Variants in NEURL1 observed in about 807,000 individuals in gnomAD.
NEURL1 encodes neuralized E3 ubiquitin protein ligase 1.
A neutral mutation model predicts 41.2 loss-of-function variants in NEURL1; 26 were observed. The ratio of observed to expected loss-of-function variants is 0.63; its 90% CI spans 0.46 to 0.87. The LOEUF is 0.87. NEURL1 is among the 40% of genes least tolerant of loss of function. NEURL1 has a pLI of 0.00. For synonymous variants in NEURL1, 400 were observed against 402.3 expected (o/e 0.99, Z 0.07); for missense variants, 761 against 871.1 (o/e 0.87, Z 1.59).
chr10:103,551,803 T>A (rs1159204816), intron 1 of NEURL1, among the ~76,000 whole-genome samples: 1 of 152,170 alleles, frequency 6.6e-6, no homozygotes, highest in Non-Finnish European at 1.5e-5. Flanking sequence ...GGCTCATACG[T>A]CTGTGGGAAA....
At chr10:103,533,759 A>C (rs776764200) in intron 1 of NEURL1, among the ~76,000 whole-genome samples, 10 of 152,090 alleles carry the variant, frequency 6.6e-5, no homozygotes, top group Non-Finnish European at 1.3e-4. Flanking sequence ...GATGGTCTCG[A>C]TCTGCTGACC....
At chr10:103,543,499 CCCT>C (rs2034863455) in intron 1 of NEURL1, among the ~76,000 whole-genome samples, 3 of 152,220 alleles carry the variant, frequency 2.0e-5, no homozygotes, top group Admixed American at 6.5e-5. Context: ...CATCTTCCCT[CCCT>C]CCTCCTCCTC....
chr10:103,558,968 G>A lies in NEURL1; in HGVS notation c.86-11904G>A, dbSNP rs1001052109. Among the ~76,000 whole-genome samples, 10 of 152,096 alleles carry A rather than the reference G, an allele frequency of 6.6e-5. No homozygotes were observed. The highest frequency in any genetic ancestry group is 1.3e-4 in the Non-Finnish European group (9 of 68,018). On this transcript the variant is annotated intron_variant, in intron 1 of 5. Transcript: ENST00000369780. This position sits in a 1 kb window ranked among gnomAD's most constrained non-coding sequence, Gnocchi z 4.2. ...AGCCTGAGTGTCAGAGGATGCTGGC[G>A]TACAGGGACCCGAGACATTGGCTCC... is the stretch of plus-strand genomic sequence containing the variant.
At chr10:103,515,863 G>C (rs2034192812) in intron 1 of NEURL1, among the ~76,000 whole-genome samples, 2 of 152,170 alleles carry the variant, frequency 1.3e-5, no homozygotes, top group Admixed American at 6.5e-5. Context: ...AGTTGTCTAG[G>C]GGAGGGATGC....
At chr10:103,510,878 A>AC (rs986644001) in intron 1 of NEURL1, among the ~76,000 whole-genome samples, 1 of 150,792 alleles carries the variant, frequency 6.6e-6, no homozygotes, top group Non-Finnish European at 1.5e-5. Context: ...GTTGCTCAAG[A>AC]CCCCCCTAGA....
chr10:103,494,478 C>A lies in NEURL1; in HGVS notation c.85+6C>A. 1 of 1,557,478 alleles carries A rather than the reference C, an allele frequency of 6.4e-7. No individual in the cohort carries two copies. The highest frequency in any genetic ancestry group is 1.9e-5 in the Admixed American group (1 of 53,068). ...CCACCCCCAGAACCTCAAAGGTAGG[C>A]TCCCCGGCCGAGCGCTGCTGGAGGA... On this transcript the variant is annotated splice_donor_region_variant and intron_variant, in intron 1 of 5. Coordinates refer to ENST00000369780, the MANE Select transcript of NEURL1 (RefSeq NM_004210.5).
chr10:103,588,166 C>A (rs1380882990), intron 4 of NEURL1, among the ~76,000 whole-genome samples: 4 of 151,912 alleles, frequency 2.6e-5, no homozygotes, highest in Non-Finnish European at 4.4e-5. Context: ...ATTAGCTGGG[C>A]CTGGTGGCAG....
intron 1 of NEURL1, among the ~76,000 whole-genome samples, chr10:103,533,822 C>T: frequency 6.6e-6 from 1 of 152,230 alleles, no homozygotes; most frequent in East Asian, 1.9e-4. Flanking sequence ...AGGCTTGAGC[C>T]ACCGCTCCCG....
chr10:103,569,990 T>G (rs1467034257), intron 1 of NEURL1, among the ~76,000 whole-genome samples: 1 of 152,172 alleles, frequency 6.6e-6, no homozygotes. Context: ...GTCTTCCATC[T>G]CCTTCCTGGA....
Position 103,590,682 on chromosome 10 carries a change from T to G in NEURL1, c.*310T>G. On this transcript the variant is annotated 3_prime_UTR_variant, in exon 6 of 6. Coordinates refer to ENST00000369780, the MANE Select transcript of NEURL1 (RefSeq NM_004210.5). ...TTGGGATCTCAGCCTGCCCTAATCT[T>G]TCCCCATCTGAGGCAGGTTTCTAGG... 2.0e-5 allele frequency: 8 copies of G among 398,238 alleles called. No individual in the cohort carries two copies. Among genetic ancestry groups the G allele is most frequent in the East Asian group, 5.1e-5 (1 of 19,462 alleles). 24.7% of individuals were successfully genotyped at this position (398,238 alleles called of 1,614,324 possible). A position where few individuals can be genotyped will look rare whatever the true frequency, so the allele number is the denominator to read the frequency against.
At chr10:103,513,097 C>T (rs544454067) in intron 1 of NEURL1, among the ~76,000 whole-genome samples, 129 of 152,238 alleles carry the variant, frequency 8.5e-4, no homozygotes, top group African/African-American at 2.9e-3. Context: ...CACCATCACC[C>T]GGTGCCCACC....
At chr10:103,570,576 G>T (rs1266466107) in intron 1 of NEURL1, among the ~76,000 whole-genome samples, 12 of 150,726 alleles carry the variant, frequency 8.0e-5, no homozygotes, top group Admixed American at 7.9e-4. Context: ...GAGAGGCAGA[G>T]GGTGGTAAAT....
At chr10:103,564,530 C>G (rs2035376646) in intron 1 of NEURL1, among the ~76,000 whole-genome samples, 1 of 152,202 alleles carries the variant, frequency 6.6e-6, no homozygotes, top group African/African-American at 2.4e-5. Flanking sequence ...TGCCTGCTGT[C>G]TTGGACTCGT....
At chr10:103,518,868 T>C (rs2034277783) in intron 1 of NEURL1, among the ~76,000 whole-genome samples, 1 of 152,162 alleles carries the variant, frequency 6.6e-6, no homozygotes, top group South Asian at 2.1e-4. Flanking sequence ...TTGAGTAGTG[T>C]TGGGGAACGG....
intron 1 of NEURL1, among the ~76,000 whole-genome samples, chr10:103,513,253 A>G (rs1198230044): frequency 6.6e-6 from 1 of 152,002 alleles, no homozygotes; most frequent in African/African-American, 2.4e-5. Flanking sequence ...GCACATTTTC[A>G]TTTTTAGTGC....
At chr10:103,496,239 A>T (rs923174151) in intron 1 of NEURL1, among the ~76,000 whole-genome samples, 1 of 152,220 alleles carries the variant, frequency 6.6e-6, no homozygotes, top group African/African-American at 2.4e-5. Flanking sequence ...AGTGTTATTT[A>T]TACTAGGTGG....
At chr10:103,573,021 A>G (rs569767606) in intron 3 of NEURL1, among the ~76,000 whole-genome samples, 17 of 151,458 alleles carry the variant, frequency 1.1e-4, no homozygotes, top group Non-Finnish European at 2.4e-4. Context: ...CTGACTTCAG[A>G]GCCTAGAAAC....
At chr10:103,498,004 G>T (rs550425779) in intron 1 of NEURL1, among the ~76,000 whole-genome samples, 1 of 152,244 alleles carries the variant, frequency 6.6e-6, no homozygotes, top group East Asian at 1.9e-4. Flanking sequence ...AAGGGGGAAA[G>T]GCACTGACAG....
intron 1 of NEURL1, 135 bp from the exon 2 acceptor site, chr10:103,570,737 G>C (rs1269273328): frequency 7.1e-7 from 1 of 1,409,450 alleles, no homozygotes; most frequent in Non-Finnish European, 9.6e-7. Context: ...TGGTGGCAAG[G>C]GGTGGCGGCA....
Sources: gnomAD v4.1 joint callset for allele counts (sites outside exome capture counted in the v4.1 genomes callset) on GRCh38, gnomAD v4.1.1 for gene constraint, Gnocchi (gnomAD v3.1) non-coding constraint, MANE v1.5 for transcripts, NCBI Gene and HGNC (gene_info 2026-07-23, HGNC 2026-07-21) for gene names.